IPCEF1: variants seen among roughly 807,000 people sequenced by gnomAD.
The protein encoded by IPCEF1 is interactor protein for cytohesin exchange factors 1.
IPCEF1 carries 31 observed loss-of-function variants against 50.9 expected under a neutral mutation model. The observed-to-expected ratio is 0.61, with a 90% CI of 0.46 to 0.82. The LOEUF (loss-of-function observed/expected upper bound fraction) is 0.82. Among genes scored for constraint, IPCEF1 ranks in the 40% least tolerant of loss-of-function variants. IPCEF1 has a pLI of 0.00. For synonymous variants in IPCEF1, 181 were observed against 192.0 expected, an observed-to-expected ratio of 0.94 and a Z score of 0.47; for missense variants, 458 against 514.0, an observed-to-expected ratio of 0.89 and a Z score of 1.05.
intron 1 of IPCEF1, among the ~76,000 whole-genome samples, chr6:154,333,986 A>T (rs1365012820): frequency 6.6e-6 from 1 of 152,188 alleles, no homozygotes; most frequent in African/African-American, 2.4e-5. Flanking sequence ...ATAGCACTTC[A>T]TTATAGAGAA....
intron 1 of IPCEF1, among the ~76,000 whole-genome samples, chr6:154,308,574 C>T (rs1365152382): frequency 1.3e-5 from 2 of 152,206 alleles, no homozygotes; most frequent in Non-Finnish European, 2.9e-5. Context: ...TAATTTCAGA[C>T]ATCCTGAGAA....
At chr6:154,240,634 G>T (rs1160715233) in intron 5 of IPCEF1, among the ~76,000 whole-genome samples, 1 of 152,148 alleles carries the variant, frequency 6.6e-6, no homozygotes, top group East Asian at 1.9e-4. Context: ...TCTGCCCAAT[G>T]TAAAAAGTGA....
chr6:154,279,289 G>A (rs1277986254), intron 2 of IPCEF1, among the ~76,000 whole-genome samples: 2 of 152,048 alleles, frequency 1.3e-5, no homozygotes, highest in African/African-American at 4.8e-5. Context: ...TAATAAAAAT[G>A]TATAAGACTT....
At chr6:154,210,140 C>T (rs978523375) in intron 9 of IPCEF1, among the ~76,000 whole-genome samples, 1 of 152,148 alleles carries the variant, frequency 6.6e-6, no homozygotes, top group Non-Finnish European at 1.5e-5. Context: ...GCTTTTATTT[C>T]ACCAGGGAGA....
chr6:154,230,778 C>T (rs905512880), intron 5 of IPCEF1, among the ~76,000 whole-genome samples: 2 of 152,090 alleles, frequency 1.3e-5, no homozygotes, highest in Non-Finnish European at 2.9e-5. Context: ...TCAGAAGACA[C>T]CTTAGAATCT....
intron 1 of IPCEF1, among the ~76,000 whole-genome samples, chr6:154,316,659 T>C (rs1783227307): frequency 6.6e-6 from 1 of 152,150 alleles, no homozygotes; most frequent in South Asian, 2.1e-4. Flanking sequence ...AAAAGTTCAA[T>C]GAAACAGGAG....
At chr6:154,297,598 G>A (rs145665748) in intron 1 of IPCEF1, among the ~76,000 whole-genome samples, 179 of 152,266 alleles carry the variant, frequency 1.2e-3, no homozygotes, top group African/African-American at 4.2e-3. Flanking sequence ...ATTGTTGTAA[G>A]CTTAAAAATG....
intron 1 of IPCEF1, among the ~76,000 whole-genome samples, chr6:154,322,760 C>T (rs1039856875): frequency 3.3e-5 from 5 of 151,662 alleles, no homozygotes; most frequent in Non-Finnish European, 7.4e-5. Flanking sequence ...TCACTTGAGC[C>T]GGGGAGGTGG....
chr6:154,266,862 A>G (rs182690612), intron 2 of IPCEF1, among the ~76,000 whole-genome samples: 1 of 152,220 alleles, frequency 6.6e-6, no homozygotes, highest in Non-Finnish European at 1.5e-5. Flanking sequence ...TTCAACATTG[A>G]CAAGCAAGAA....
intron 5 of IPCEF1, among the ~76,000 whole-genome samples, chr6:154,242,384 G>GA (rs1780666542): frequency 6.6e-6 from 1 of 152,068 alleles, no homozygotes; most frequent in Admixed American, 6.5e-5. Flanking sequence ...TCCATTTCTT[G>GA]AAATTCCCAT....
intron 1 of IPCEF1, among the ~76,000 whole-genome samples, chr6:154,332,218 A>T (rs2128693952): frequency 6.6e-6 from 1 of 152,068 alleles, no homozygotes; most frequent in East Asian, 1.9e-4. Flanking sequence ...ATCAGGGATC[A>T]TGATATTTTT....
At chr6:154,230,321 C>T (rs1199375109) in intron 5 of IPCEF1, among the ~76,000 whole-genome samples, 4 of 152,008 alleles carry the variant, frequency 2.6e-5, no homozygotes, top group African/African-American at 4.8e-5. Context: ...TGAGTATGGG[C>T]GGGGATCATA....
intron 10 of IPCEF1, among the ~76,000 whole-genome samples, chr6:154,198,375 T>G (rs1284721889): frequency 2.6e-5 from 4 of 152,172 alleles, no homozygotes; most frequent in Admixed American, 2.6e-4. Context: ...TGACAAGGTT[T>G]CCTTTCTCCT....
At chr6:154,334,337 C>T (rs375252985) in intron 1 of IPCEF1, among the ~76,000 whole-genome samples, 13 of 152,218 alleles carry the variant, frequency 8.5e-5, no homozygotes, top group East Asian at 5.8e-4. Context: ...GGAAAGCCAC[C>T]GAAACTCTTT....
intron 5 of IPCEF1, among the ~76,000 whole-genome samples, chr6:154,244,299 T>TGG (rs1166657406): frequency 0.02 from 1,335 of 68,442 alleles, 26 homozygotes; most frequent in African/African-American, 0.078. Flanking sequence ...TGTGTGTGGG[T>TGG]GGGTGTGTGT....
chr6:154,313,080 A>AC (rs1310895451), intron 1 of IPCEF1, among the ~76,000 whole-genome samples: 1 of 149,710 alleles, frequency 6.7e-6, no homozygotes, highest in Non-Finnish European at 1.5e-5. Flanking sequence ...AAAAAAAAAA[A>AC]AAAAAACATG....
At chr6:154,309,738 G>A (rs946677841) in intron 1 of IPCEF1, among the ~76,000 whole-genome samples, 6 of 150,520 alleles carry the variant, frequency 4.0e-5, no homozygotes, top group African/African-American at 1.5e-4. Context: ...TTCCGCTAAA[G>A]CTATTTAGTC....
At chr6:154,270,967 C>G (rs1356727513) in intron 2 of IPCEF1, among the ~76,000 whole-genome samples, 1 of 151,992 alleles carries the variant, frequency 6.6e-6, no homozygotes, top group Non-Finnish European at 1.5e-5. Flanking sequence ...CACAGCCAGA[C>G]TTTGTTCCAA....
intron 1 of IPCEF1, among the ~76,000 whole-genome samples, chr6:154,331,420 AAAG>A (rs1456933437): frequency 6.6e-6 from 1 of 151,334 alleles, no homozygotes; most frequent in Non-Finnish European, 1.5e-5. Flanking sequence ...AGAGAAAAAG[AAAG>A]AGAGAGAGAG....
Sources: gnomAD v4.1 joint callset for allele counts (sites outside exome capture counted in the v4.1 genomes callset) on GRCh38, gnomAD v4.1.1 for gene constraint, MANE v1.5 for transcripts, NCBI Gene and HGNC (gene_info 2026-07-23, HGNC 2026-07-21) for gene names.